Variants in LRRC7 observed in about 807,000 individuals in gnomAD.
LRRC7 encodes the protein leucine-rich repeat-containing protein 7.
A neutral mutation model predicts 175.7 loss-of-function variants in LRRC7; 23 were observed. The observed-to-expected ratio is 0.13, with a 90% CI of 0.09 to 0.19. The LOEUF is 0.19. Among genes scored for constraint, LRRC7 ranks in the 10% least tolerant of loss-of-function variants. The pLI is 1.00. For missense variants in LRRC7, 1,354 were observed against 1,904.7 expected (o/e 0.71, Z 5.38); for synonymous variants, 685 against 680.9 (o/e 1.01, Z -0.09).
At chr1:69,656,659 C>G (rs1184140031) in intron 1 of LRRC7, among the ~76,000 whole-genome samples, 1 of 151,932 alleles carries the variant, frequency 6.6e-6, no homozygotes, top group Non-Finnish European at 1.5e-5. Context: ...ATTTAACATT[C>G]GTCAAATGGA....
At chr1:69,643,147 G>A (rs1269239351) in intron 1 of LRRC7, among the ~76,000 whole-genome samples, 1 of 152,028 alleles carries the variant, frequency 6.6e-6, no homozygotes, top group East Asian at 1.9e-4. Flanking sequence ...GGAAGATAGG[G>A]GAAGCATTGG....
chr1:69,591,717 T>C (rs182301383), intron 1 of LRRC7, among the ~76,000 whole-genome samples: 1 of 152,118 alleles, frequency 6.6e-6, no homozygotes, highest in Admixed American at 6.5e-5. Context: ...ATCAGGTGAG[T>C]ACTTACCTAT....
chr1:69,651,409 C>A (rs1347143665), intron 1 of LRRC7, among the ~76,000 whole-genome samples: 1 of 152,092 alleles, frequency 6.6e-6, no homozygotes, highest in African/African-American at 2.4e-5. Flanking sequence ...ATTATATCTG[C>A]CAATTCAAAG....
intron 1 of LRRC7, among the ~76,000 whole-genome samples, chr1:69,643,830 G>A (rs1035085602): frequency 6.6e-6 from 1 of 151,954 alleles, no homozygotes; most frequent in African/African-American, 2.4e-5. Flanking sequence ...CCCTCTGCTG[G>A]CTTGTGAAGT....
At chr1:70,017,524 G>T (rs534125380) in intron 14 of LRRC7, among the ~76,000 whole-genome samples, 1 of 152,000 alleles carries the variant, frequency 6.6e-6, no homozygotes, top group South Asian at 2.1e-4. Flanking sequence ...CTTAAATTTT[G>T]AAACACCTAT....
chr1:69,631,170 C>T (rs11576253), intron 1 of LRRC7, among the ~76,000 whole-genome samples: 1 of 152,062 alleles, frequency 6.6e-6, no homozygotes, highest in Non-Finnish European at 1.5e-5. Flanking sequence ...CTGCACTTTT[C>T]GAAACCCTAT....
In LRRC7 at chr1:69,677,426, G is replaced by A. The variant is rs1311046007; in HGVS notation, c.3-955G>A. Among the ~76,000 whole-genome samples the A allele has an allele frequency of 2.0e-5, 3 of 151,384 alleles. No individual in the cohort carries two copies. In the East Asian group the frequency reaches 5.8e-4, roughly 29 times the overall value. On this transcript the variant is annotated intron_variant, in intron 1 of 26. Coordinates refer to ENST00000651989, the MANE Select transcript of LRRC7 (RefSeq NM_001370785.2). ...TGAAATAGTGTCTTCTTTTCCTTTGGGTAATCAGTAGTGGGATTACTGGAT... is the reference window on the plus strand; with the variant it reads ...TGAAATAGTGTCTTCTTTTCCTTTGAGTAATCAGTAGTGGGATTACTGGAT...
At chr1:69,686,486 T>C (rs572801119) in intron 2 of LRRC7, among the ~76,000 whole-genome samples, 16 of 152,296 alleles carry the variant, frequency 1.1e-4, no homozygotes, top group African/African-American at 3.6e-4. Flanking sequence ...CCTAAATTGA[T>C]ATAAGGTTTC....
chr1:69,749,732 G>C (rs1012593664), intron 2 of LRRC7, among the ~76,000 whole-genome samples: 36 of 152,226 alleles, frequency 2.4e-4, no homozygotes, highest in African/African-American at 7.7e-4. Context: ...TTTGGGAGTA[G>C]TGTAAGCTAG....
intron 7 of LRRC7, chr1:69,873,494 G>A (rs767888639): frequency 1.9e-6 from 1 of 532,984 alleles, no homozygotes; most frequent in South Asian, 1.4e-5. Flanking sequence ...TGTGCCCCTT[G>A]CCCAATCGCC....
chr1:69,830,835 T>C (rs1372620118), intron 5 of LRRC7, among the ~76,000 whole-genome samples: 1 of 151,956 alleles, frequency 6.6e-6, no homozygotes, highest in Non-Finnish European at 1.5e-5. Flanking sequence ...TCTTTTTTTA[T>C]AACCAGCCTG....
intron 2 of LRRC7, among the ~76,000 whole-genome samples, chr1:69,749,266 G>T (rs557023902): frequency 1.1e-3 from 171 of 152,282 alleles, no homozygotes; most frequent in African/African-American, 3.9e-3. Flanking sequence ...CCACTACTTA[G>T]TACAAACCTT....
chr1:69,731,013 A>C (rs1041175182), intron 2 of LRRC7, among the ~76,000 whole-genome samples: 10 of 152,174 alleles, frequency 6.6e-5, no homozygotes, highest in South Asian at 6.2e-4. Flanking sequence ...TAAAACCATG[A>C]GATCTCGGCC....
chr1:69,629,590 C>T (rs962710400), intron 1 of LRRC7, among the ~76,000 whole-genome samples: 1 of 152,086 alleles, frequency 6.6e-6, no homozygotes, highest in African/African-American at 2.4e-5. Context: ...GATGACTACA[C>T]TTTCTCTCTC....
intron 1 of LRRC7, among the ~76,000 whole-genome samples, chr1:69,629,994 A>G (rs17324571): frequency 0.13 from 19,528 of 152,062 alleles, 1,598 homozygotes; most frequent in South Asian, 0.19. Context: ...CACCAAATAT[A>G]TAATCATCTT....
At chr1:69,624,538 T>C (rs1461055831) in intron 1 of LRRC7, among the ~76,000 whole-genome samples, 2 of 152,078 alleles carry the variant, frequency 1.3e-5, no homozygotes, top group Non-Finnish European at 2.9e-5. Context: ...TAATCTTTTT[T>C]CAGTGGGGTA....
intron 26 of LRRC7, among the ~76,000 whole-genome samples, chr1:70,114,994 T>C (rs538866270): frequency 6.6e-6 from 1 of 152,298 alleles, no homozygotes; most frequent in African/African-American, 2.4e-5. Context: ...TACTGACAGA[T>C]GTTCGATAAC....
intron 1 of LRRC7, among the ~76,000 whole-genome samples, chr1:69,569,125 T>C (rs1645627257): frequency 6.6e-6 from 1 of 151,944 alleles, no homozygotes. Flanking sequence ...CTCTTTATCT[T>C]GGAAGGTGTT....
At chr1:70,073,233 T>TTACTGTGTCAG (rs977983127) in intron 23 of LRRC7, among the ~76,000 whole-genome samples, 1 of 152,200 alleles carries the variant, frequency 6.6e-6, no homozygotes, top group Non-Finnish European at 1.5e-5. Flanking sequence ...TAAATGCCAG[T>TTACTGTGTCAG]TACTGTGTCA....
Sources: gnomAD v4.1 joint callset for allele counts (sites outside exome capture counted in the v4.1 genomes callset) on GRCh38, gnomAD v4.1.1 for gene constraint, MANE v1.5 for transcripts, NCBI Gene and HGNC (gene_info 2026-07-23, HGNC 2026-07-21) for gene names.